CEP97: variants seen among roughly 807,000 people sequenced by gnomAD.
CEP97 encodes the protein centrosomal protein of 97 kDa.
A neutral mutation model predicts 73.1 loss-of-function variants in CEP97; 43 were observed. The observed-to-expected ratio is 0.59, with a 90% CI of 0.46 to 0.76. The LOEUF (loss-of-function observed/expected upper bound fraction) is 0.76. Ranked by LOEUF, CEP97 falls within the 30% of genes least tolerant of loss-of-function variation. CEP97 has a pLI of 0.00. For synonymous variants in CEP97, 337 were observed against 370.0 expected, an observed-to-expected ratio of 0.91 and a Z score of 1.02; for missense variants, 939 against 1,014.0, an observed-to-expected ratio of 0.93 and a Z score of 1.00.
rs1939072377 is a variant in CEP97 at position 101,758,219 on chromosome 3, C to T, written c.1613C>T (p.Pro538Leu). ...TISQATSEKL[P>L]MILTQRSVAL... Reference sequence around the variant, plus strand: ...TCTCAAGCAACTTCAGAGAAACTTCCCATGATTTTAACCCAGAGATCTGTT... The same window carrying T: ...TCTCAAGCAACTTCAGAGAAACTTCTCATGATTTTAACCCAGAGATCTGTT... The change falls in exon 9 of 11, where the codon CCC (proline) becomes CTC (leucine). Residue 538 changes from proline to leucine, a missense_variant. Physicochemically the swap from Pro to Leu is moderately conservative, Grantham distance 98 (BLOSUM62 -3). Coordinates refer to ENST00000341893, the MANE Select transcript of CEP97 (RefSeq NM_024548.4). 7 of 1,614,156 alleles carry T rather than the reference C, an allele frequency of 4.3e-6. No homozygotes were observed. The highest frequency in any genetic ancestry group is 5.9e-6 in the Non-Finnish European group (7 of 1,180,034).
chr3:101,763,546 TCTGGAAGGA>T (rs958584429), intron 10 of CEP97, among the ~76,000 whole-genome samples: 1 of 152,114 alleles, frequency 6.6e-6, no homozygotes, highest in Non-Finnish European at 1.5e-5. Flanking sequence ...TAGAAAAAAG[TCTGGAAGGA>T]TATGCATCAA....
chr3:101,746,187 G>A lies in CEP97; in HGVS notation c.729-9243G>A, dbSNP rs551507086. Among the ~76,000 whole-genome samples the A allele has an allele frequency of 6.2e-3, 938 of 152,246 alleles. 12 individuals carry two copies. The highest frequency in any genetic ancestry group is 0.022 in the African/African-American group (910 of 41,520). On this transcript the variant is annotated intron_variant, in intron 6 of 10. Coordinates refer to ENST00000341893, the MANE Select transcript of CEP97 (RefSeq NM_024548.4). ...ACATTTGGGTTGGTTCCAAGTCTTT[G>A]CTATTGTGAATAATGCCACAATAAA...
intron 10 of CEP97, chr3:101,762,966 G>A (rs377684937): frequency 1.5e-5 from 10 of 668,530 alleles, no homozygotes; most frequent in African/African-American, 1.3e-4. Flanking sequence ...TAACTGTATA[G>A]GAGAGTATTT....
intron 6 of CEP97, among the ~76,000 whole-genome samples, chr3:101,742,465 ATT>A (rs1176279096): frequency 4.2e-5 from 6 of 144,534 alleles, no homozygotes; most frequent in Non-Finnish European, 7.5e-5. Context: ...GGAAACCATC[ATT>A]CTTAGCAAAC....
At chr3:101,738,591 G>C (rs1938354526) in intron 6 of CEP97, among the ~76,000 whole-genome samples, 1 of 152,010 alleles carries the variant, frequency 6.6e-6, no homozygotes, top group Non-Finnish European at 1.5e-5. Context: ...ATAACTACTG[G>C]GTACATAACG....
At position 101,757,249 on chromosome 3, in the gene CEP97, G is replaced by A. The variant is rs1253024736; in HGVS notation, c.1027+53G>A. On this transcript the variant is annotated intron_variant, in intron 8 of 10. Coordinates refer to ENST00000341893, the MANE Select transcript of CEP97 (RefSeq NM_024548.4). ...TTTTCTCCAAGTTGTTTAATTTGTC[G>A]GGTATCATAAAGCAGAAAAAGGTGC... 2.4e-5 allele frequency: 38 copies of A among 1,557,438 alleles called. No individual in the cohort carries two copies. In the East Asian group the frequency reaches 2.7e-4, roughly 11 times the overall value.
chr3:101,728,877 C>G lies in CEP97; in HGVS notation c.387C>G (p.Leu129=). 1 of 1,608,374 alleles carries G rather than the reference C, an allele frequency of 6.2e-7. No homozygotes were observed. The highest frequency in any genetic ancestry group is 8.5e-7 in the Non-Finnish European group (1 of 1,174,838). The change falls in exon 4 of 11, where the codon CTC becomes CTG. Residue 129 remains leucine (L), a synonymous_variant. Coordinates refer to ENST00000341893, the MANE Select transcript of CEP97 (RefSeq NM_024548.4). ...QINSCTALQH[L]DLSDNNISQI... The stretch of plus-strand genomic sequence containing the variant: ...ATAGCTGCACAGCTCTACAGCATCT[C>G]GATTTATCAGACAATAATATATCCC...
At position 101,767,161 on chromosome 3, in the gene CEP97, G is replaced by A. The variant is rs899609056; in HGVS notation, c.*1610G>A. On this transcript the variant is annotated 3_prime_UTR_variant, in exon 11 of 11. Transcript: ENST00000341893. The stretch of plus-strand genomic sequence containing the variant: ...CGTATTTTTCTCAGTTTATAAATAC[G>A]TAGCACTCAGGTTGAGACGACTTGG... 48 of 152,130 alleles carry A rather than the reference G, an allele frequency of 3.2e-4. No individual in the cohort carries two copies. The highest frequency in any genetic ancestry group is 9.4e-4 in the African/African-American group (39 of 41,414). 9.4% of individuals were successfully genotyped at this position (152,130 alleles called of 1,614,324 possible).
chr3:101,742,977 G>T (rs780604816), intron 6 of CEP97, among the ~76,000 whole-genome samples: 1 of 152,136 alleles, frequency 6.6e-6, no homozygotes, highest in Non-Finnish European at 1.5e-5. Flanking sequence ...GCACGTGGTG[G>T]CTCACACTTG....
At chr3:101,733,747 G>T (rs1399309690) in intron 6 of CEP97, among the ~76,000 whole-genome samples, 1 of 152,056 alleles carries the variant, frequency 6.6e-6, no homozygotes, top group Non-Finnish European at 1.5e-5. Context: ...AGCCGGTATG[G>T]TCTCGATCTC....
At chr3:101,756,583 G>A (rs9873557) in intron 7 of CEP97, among the ~76,000 whole-genome samples, 45,888 of 150,578 alleles carry the variant, frequency 0.3, 7,448 homozygotes, top group Middle Eastern at 0.44. Flanking sequence ...TCATCATGTT[G>A]CTCAGGCTGA....
chr3:101,765,675 A>G lies in CEP97; in HGVS notation c.*124A>G. On this transcript the variant is annotated 3_prime_UTR_variant, in exon 11 of 11. Transcript: ENST00000341893. ...TTGTTACTACTTATATAGAATTTGTATTCATGTCTTATATTTTTCAGATTC... is the reference window on the plus strand; with the variant it reads ...TTGTTACTACTTATATAGAATTTGTGTTCATGTCTTATATTTTTCAGATTC... The G allele has an allele frequency of 1.4e-6, 1 of 702,110 alleles. No individual in the cohort carries two copies. The highest frequency in any genetic ancestry group is 3.2e-5 in the Admixed American group (1 of 31,492). The allele number at this position is 702,110 out of a possible 1,614,324, so 43.5% of individuals were successfully genotyped here. A position where few individuals can be genotyped will look rare whatever the true frequency, so the allele number is the denominator to read the frequency against.
At position 101,769,631 on chromosome 3, in the gene CEP97, A is replaced by G. The variant is rs2107205466; in HGVS notation, c.*4080A>G. The G allele has an allele frequency of 6.6e-6, 1 of 152,208 alleles. No homozygotes were observed. Among genetic ancestry groups the G allele is most frequent in the South Asian group, 2.1e-4 (1 of 4,816 alleles). 9.4% of individuals were successfully genotyped at this position (152,208 alleles called of 1,614,324 possible). A position where few individuals can be genotyped will look rare whatever the true frequency, so the allele number is the denominator to read the frequency against. On this transcript the variant is annotated 3_prime_UTR_variant, in exon 11 of 11. Transcript: ENST00000341893. ...GTGCCCAGCCGAGACTTCATTGTTT[A>G]ATGTATATTTTTATTTTTTCCAAAC...
In CEP97 at chr3:101,724,615, G is replaced by T; in HGVS notation, c.-62G>T. 1 of 1,592,162 alleles carries T rather than the reference G, an allele frequency of 6.3e-7. No homozygotes were observed. Among genetic ancestry groups the T allele is most frequent in the South Asian group, 1.1e-5 (1 of 90,538 alleles). On this transcript the variant is annotated 5_prime_UTR_variant, in exon 1 of 11. Coordinates refer to ENST00000341893, the MANE Select transcript of CEP97 (RefSeq NM_024548.4). ...TTATAGTTTCCGGCTCCCTCCTTCA[G>T]ATTACAAGCTCCACAGAGCCGCGGG...
rs1939369551 is a variant in CEP97 at position 101,768,376 on chromosome 3, T to A, written c.*2825T>A. On this transcript the variant is annotated 3_prime_UTR_variant, in exon 11 of 11. Transcript: ENST00000341893. Reference sequence around the variant, plus strand: ...TAAGGAAATCTCTGCATATTTCTCATTCTCTTTGAAAGAGGAAAAAAACTT... The same window carrying A: ...TAAGGAAATCTCTGCATATTTCTCAATCTCTTTGAAAGAGGAAAAAAACTT... The A allele has an allele frequency of 6.6e-6, 1 of 152,216 alleles. No homozygotes were observed. Among genetic ancestry groups the A allele is most frequent in the South Asian group, 2.1e-4 (1 of 4,830 alleles). The allele number at this position is 152,216 out of a possible 1,614,324, so 9.4% of individuals were successfully genotyped here.
intron 9 of CEP97, chr3:101,758,950 T>A (rs1479035409): frequency 6.5e-6 from 1 of 154,392 alleles, no homozygotes; most frequent in African/African-American, 2.4e-5. Flanking sequence ...ACTGGTATTA[T>A]CAGGTAGAAG....
chr3:101,736,881 T>A (rs1938296907), intron 6 of CEP97, among the ~76,000 whole-genome samples: 1 of 152,048 alleles, frequency 6.6e-6, no homozygotes, highest in Admixed American at 6.6e-5. Flanking sequence ...TTCAGAATAA[T>A]AACAAACTCC....
At chr3:101,744,386 C>T (rs1399459527) in intron 6 of CEP97, among the ~76,000 whole-genome samples, 1 of 151,988 alleles carries the variant, frequency 6.6e-6, no homozygotes, top group Non-Finnish European at 1.5e-5. Flanking sequence ...GAGTTCAAGA[C>T]CAGCCTGACC....
intron 8 of CEP97, 144 bp downstream of exon 8, chr3:101,757,340 G>A: frequency 1.2e-6 from 1 of 858,046 alleles, no homozygotes; most frequent in Non-Finnish European, 1.8e-6. Context: ...ACATATCTAT[G>A]TATAAACACA....
Sources: allele counts gnomAD v4.1 joint callset (sites outside exome capture counted in the v4.1 genomes callset), GRCh38; gene constraint gnomAD v4.1.1; transcripts MANE v1.5; gene names NCBI Gene and HGNC (gene_info 2026-07-23, HGNC 2026-07-21).